EHBP1: variants seen among roughly 807,000 people sequenced by gnomAD.
EHBP1 encodes the protein EH domain binding protein 1, also known as EH domain-binding protein 1.
In EHBP1, 55 loss-of-function variants were observed where a neutral mutation model predicts 144.0. The ratio of observed to expected loss-of-function variants is 0.38; its 90% CI spans 0.31 to 0.48. The LOEUF is 0.48. EHBP1 is among the 20% of genes least tolerant of loss of function. EHBP1 has a pLI of 0.98. For missense variants in EHBP1, 1,200 were observed against 1,364.2 expected (o/e 0.88, Z 1.90); for synonymous variants, 469 against 472.7 (o/e 0.99, Z 0.10).
At chr2:62,890,171 T>C (rs963852835) in intron 10 of EHBP1, among the ~76,000 whole-genome samples, 7 of 151,890 alleles carry the variant, frequency 4.6e-5, no homozygotes, top group Admixed American at 6.6e-5. Context: ...CTCCAGACCT[T>C]GTGATCTGCC....
chr2:62,799,693 C>G (rs2043831648), intron 5 of EHBP1, among the ~76,000 whole-genome samples: 1 of 152,176 alleles, frequency 6.6e-6, no homozygotes, highest in Admixed American at 6.5e-5. Flanking sequence ...ACCTGAATAC[C>G]TTCTTACCCT....
At chr2:62,734,817 C>T (rs901875667) in intron 2 of EHBP1, among the ~76,000 whole-genome samples, 7 of 152,290 alleles carry the variant, frequency 4.6e-5, no homozygotes, top group African/African-American at 1.7e-4. Context: ...TGGTCTTGAA[C>T]TCCTGGGTTT....
intron 21 of EHBP1, among the ~76,000 whole-genome samples, chr2:63,041,456 G>A (rs749046331): frequency 6.6e-6 from 1 of 152,116 alleles, no homozygotes; most frequent in African/African-American, 2.4e-5. Flanking sequence ...CTAGGATTTT[G>A]TACATCTTGA....
intron 1 of EHBP1, among the ~76,000 whole-genome samples, chr2:62,679,389 C>T (rs933475641): frequency 6.6e-6 from 1 of 152,196 alleles, no homozygotes; most frequent in African/African-American, 2.4e-5. Context: ...TCCTTATCCC[C>T]TGCAAATATG....
chr2:62,765,247 T>G (rs969953248), intron 4 of EHBP1, among the ~76,000 whole-genome samples: 1 of 152,188 alleles, frequency 6.6e-6, no homozygotes, highest in African/African-American at 2.4e-5. Flanking sequence ...TTTTACATCT[T>G]TTTACTGACT....
At chr2:62,755,189 C>T (rs749977244) in intron 3 of EHBP1, among the ~76,000 whole-genome samples, 1 of 152,178 alleles carries the variant, frequency 6.6e-6, no homozygotes, top group South Asian at 2.1e-4. Context: ...CAGAGGTGAA[C>T]ACTGTTTTGA....
At chr2:62,701,927 G>A (rs1437276854), upstream of EHBP1, among the ~76,000 whole-genome samples, 2 of 151,892 alleles carry the variant, frequency 1.3e-5, no homozygotes, top group Non-Finnish European at 2.9e-5. Context: ...CTTATTACTA[G>A]GAATACGGCA....
At chr2:63,029,877 C>T (rs766179929) in intron 19 of EHBP1, among the ~76,000 whole-genome samples, 8 of 152,008 alleles carry the variant, frequency 5.3e-5, no homozygotes, top group East Asian at 1.9e-4. Flanking sequence ...TACAGGCACA[C>T]GCCACCATGC....
intron 5 of EHBP1, among the ~76,000 whole-genome samples, chr2:62,781,467 G>A (rs1363734100): frequency 6.6e-6 from 1 of 152,134 alleles, no homozygotes; most frequent in Non-Finnish European, 1.5e-5. Context: ...TGATTATTTA[G>A]TCAGACTGCC....
intron 10 of EHBP1, among the ~76,000 whole-genome samples, chr2:62,912,903 C>T (rs1168091318): frequency 1.3e-5 from 2 of 152,080 alleles, no homozygotes; most frequent in East Asian, 1.9e-4. Flanking sequence ...AGTAGTATTC[C>T]ACCTGTGTTT....
At chr2:62,924,210 C>G (rs896258755) in intron 10 of EHBP1, among the ~76,000 whole-genome samples, 9 of 152,228 alleles carry the variant, frequency 5.9e-5, no homozygotes, top group African/African-American at 1.9e-4. Context: ...TTCTCCCAGC[C>G]AAAGTAACCT....
At chr2:62,772,177 GA>G (rs2041715576) in intron 5 of EHBP1, 1 of 138,710 alleles carries the variant, frequency 7.2e-6, no homozygotes, top group Non-Finnish European at 1.6e-5. Context: ...GAGGAAGGGG[GA>G]AAGGAGGAAG....
intron 19 of EHBP1, among the ~76,000 whole-genome samples, chr2:62,999,180 C>T (rs1467201175): frequency 6.6e-6 from 1 of 151,962 alleles, no homozygotes; most frequent in Non-Finnish European, 1.5e-5. Context: ...GGTGGAGTTA[C>T]GGCTTGAACC....
chr2:62,702,834 C>T (rs541261387), upstream of EHBP1, among the ~76,000 whole-genome samples: 1 of 152,216 alleles, frequency 6.6e-6, no homozygotes, highest in East Asian at 1.9e-4. Flanking sequence ...TTACTATGTG[C>T]CAGATACTTT....
At chr2:62,752,697 C>T (rs1314778879) in intron 3 of EHBP1, among the ~76,000 whole-genome samples, 2 of 152,094 alleles carry the variant, frequency 1.3e-5, no homozygotes, top group Non-Finnish European at 2.9e-5. Context: ...AGATAGTTAG[C>T]TCTTCTTGTT....
chr2:62,977,258 G>A (rs1474857581), intron 14 of EHBP1, among the ~76,000 whole-genome samples: 5 of 151,390 alleles, frequency 3.3e-5, no homozygotes, highest in Non-Finnish European at 5.9e-5. Flanking sequence ...ACCTCTCCCT[G>A]TTGGACAGGG....
At chr2:62,827,468 G>T (rs2046421110) in intron 6 of EHBP1, among the ~76,000 whole-genome samples, 1 of 152,150 alleles carries the variant, frequency 6.6e-6, no homozygotes, top group South Asian at 2.1e-4. Flanking sequence ...AGCTGTAAGT[G>T]AATCAGCACC....
At chr2:62,721,435 A>G (rs966478072) in intron 2 of EHBP1, among the ~76,000 whole-genome samples, 1 of 152,198 alleles carries the variant, frequency 6.6e-6, no homozygotes, top group African/African-American at 2.4e-5. Context: ...TTCATATTTT[A>G]TGCATTAGAA....
In EHBP1 at chr2:62,676,530, C is replaced by T. The variant is rs1270550548; in HGVS notation, c.-296+2447C>T. ...TGTTTATTTGGTGTGAATAAAGCCA[C>T]GGGTTAGCCTGTGTCTTTGACACAC... On this transcript the variant is annotated intron_variant, in intron 1 of 22. Transcript: ENST00000405015. 3.3e-5 allele frequency among the ~76,000 whole-genome samples: 5 copies of T among 152,270 alleles called. No homozygotes were observed. In the East Asian group the frequency reaches 9.6e-4, roughly 29 times the overall value.
Sources: gnomAD v4.1 joint callset for allele counts (sites outside exome capture counted in the v4.1 genomes callset) on GRCh38, gnomAD v4.1.1 for gene constraint, MANE v1.5 for transcripts, NCBI Gene and HGNC (gene_info 2026-07-23, HGNC 2026-07-21) for gene names.